SMG1: variants seen among roughly 807,000 people sequenced by gnomAD.
SMG1 encodes SMG1 nonsense mediated mRNA decay associated PI3K related kinase, also known as serine/threonine-protein kinase SMG1.
In SMG1, 22 loss-of-function variants were observed where a neutral mutation model predicts 419.9. The observed-to-expected ratio is 0.05, with a 90% CI of 0.04 to 0.07. The LOEUF is 0.07. Ranked by LOEUF, SMG1 falls within the 10% of genes least tolerant of loss-of-function variation. The probability of loss-of-function intolerance (pLI) is 1.00; values close to 1 mark genes in which losing one functional copy is unlikely to be tolerated. For synonymous variants in SMG1, 1,538 were observed against 1,553.5 expected, an observed-to-expected ratio of 0.99 and a Z score of 0.23; for missense variants, 3,185 against 4,342.0, an observed-to-expected ratio of 0.73 and a Z score of 7.49.
intron 54 of SMG1, 57 bp from the exon 55 acceptor site, chr16:18,828,225 T>G: frequency 6.4e-7 from 1 of 1,566,754 alleles, no homozygotes; most frequent in South Asian, 1.2e-5. Context: ...TTTAGATAAA[T>G]AAGGGAAGGG....
At chr16:18,871,021 T>C (rs572303513) in intron 16 of SMG1, 133 bp from the exon 17 acceptor site, 56 of 630,282 alleles carry the variant, frequency 8.9e-5, no homozygotes, top group South Asian at 4.1e-4. Flanking sequence ...ACTACTCTTG[T>C]CCAGAATTCT....
chr16:18,830,275 C>A lies in SMG1; in HGVS notation c.8887G>T (p.Ala2963Ser), dbSNP rs371226711. ...ACTTGAGCAAACATGCCATCGAATG[C>A]TACCAAAAGCATCTGGCCAGCTGAC... ...KMSAGQMLLV[A>S]FDGMFAQVET... is the part of the protein sequence containing the mutation. The change falls in exon 52 of 63, where the codon GCA (alanine) becomes TCA (serine). Residue 2963 changes from alanine to serine, a missense_variant. Around this residue, in one of 27 missense-constraint regions of SMG1, gnomAD observed 737 missense variants for 846.6 expected, o/e 0.87. Coordinates refer to ENST00000446231, the MANE Select transcript of SMG1 (RefSeq NM_015092.5). The A allele has an allele frequency of 2.5e-6, 4 of 1,613,868 alleles. No individual in the cohort carries two copies. Among genetic ancestry groups the A allele is most frequent in the Non-Finnish European group, 3.4e-6 (4 of 1,179,884 alleles).
At chr16:18,841,852 C>A in intron 40 of SMG1, 58 bp from the exon 41 acceptor site, 1 of 1,428,260 alleles carries the variant, frequency 7.0e-7, no homozygotes, top group Non-Finnish European at 9.9e-7. Context: ...TGGGAGCATA[C>A]CACTCCTCTT....
Position 18,829,752 on chromosome 16 carries a change from G to T in SMG1, c.9137C>A (p.Ser3046Ter). ...CGTFSKTLSG[S>*]SSLEDQNTVN... is the part of the protein sequence containing the mutation. ...AGTATTCTGATCTTCAAGTGAACTT[G>T]ATCCTACAAAAAGGAAAAATTTCTT... The change falls in exon 54 of 63, where the codon TCA becomes TAA. Residue 3046 changes from serine (S) to a stop codon, truncating the protein, a stop_gained. Coordinates refer to ENST00000446231, the MANE Select transcript of SMG1 (RefSeq NM_015092.5). LOFTEE classifies it high-confidence loss of function. 6.3e-7 allele frequency: 1 copy of T among 1,585,668 alleles called. No individual in the cohort carries two copies. Among genetic ancestry groups the T allele is most frequent in the South Asian group, 1.1e-5 (1 of 87,990 alleles).
chr16:18,831,774 C>CATATATAT (rs67247211), intron 51 of SMG1, among the ~76,000 whole-genome samples: 55 of 129,212 alleles, frequency 4.3e-4, no homozygotes, highest in African/African-American at 1.5e-3. Context: ...AAAAAAAATA[C>CATATATAT]ATATATATAT....
chr16:18,906,391 G>A (rs2037563410), intron 1 of SMG1, among the ~76,000 whole-genome samples: 1 of 152,074 alleles, frequency 6.6e-6, no homozygotes, highest in African/African-American at 2.4e-5. Flanking sequence ...ACTGACACAG[G>A]AGAATCGCTT....
At chr16:18,864,277 C>T in intron 23 of SMG1, 133 bp from the exon 24 acceptor site, 1 of 720,834 alleles carries the variant, frequency 1.4e-6, no homozygotes, top group South Asian at 2.2e-5. Flanking sequence ...CTCAATGCAA[C>T]CTCTGCCTCC....
intron 1 of SMG1, among the ~76,000 whole-genome samples, chr16:18,908,062 G>A (rs1156617801): frequency 6.6e-6 from 1 of 151,706 alleles, no homozygotes; most frequent in African/African-American, 2.4e-5. Flanking sequence ...ATCCCTCCCC[G>A]ACCAGTTAAA....
At position 18,914,691 on chromosome 16, in the gene SMG1, T is replaced by C. The variant is rs545372312; in HGVS notation, c.92+11259A>G. Among the ~76,000 whole-genome samples the C allele has an allele frequency of 2.6e-5, 4 of 152,198 alleles. No homozygotes were observed. In the South Asian group the frequency reaches 8.3e-4, roughly 32 times the overall value. On this transcript the variant is annotated intron_variant, in intron 1 of 62. Coordinates refer to ENST00000446231, the MANE Select transcript of SMG1 (RefSeq NM_015092.5). ...AAATAAAATAAAATAAAGAAATCTG[T>C]TGATTCTGGAATATTTGTGTTTCAT...
In SMG1 at chr16:18,828,842, T is replaced by C. The variant is rs1335996844; in HGVS notation, c.9603+444A>G. 2.0e-5 allele frequency among the ~76,000 whole-genome samples: 3 copies of C among 151,872 alleles called. No individual in the cohort carries two copies. The East Asian group carries it at 5.8e-4, about 29-fold the overall frequency. ...GGAGAAACCCCATCTCTACTAAAAA[T>C]ACAAAATTAGCCAGGCGTGGTGGCA... is the stretch of plus-strand genomic sequence containing the variant. On this transcript the variant is annotated intron_variant, in intron 54 of 62. Coordinates refer to ENST00000446231, the MANE Select transcript of SMG1 (RefSeq NM_015092.5).
intron 13 of SMG1, chr16:18,875,312 TGGG>T (rs1485856460): frequency 6.6e-6 from 1 of 152,588 alleles, no homozygotes; most frequent in Non-Finnish European, 1.5e-5. Context: ...AAAATCCGGC[TGGG>T]CATGGTGGTG....
At chr16:18,906,337 G>C (rs2037560725) in intron 1 of SMG1, among the ~76,000 whole-genome samples, 1 of 152,048 alleles carries the variant, frequency 6.6e-6, no homozygotes, top group African/African-American at 2.4e-5. Context: ...ACAAAAATTA[G>C]CTGGGTGTGG....
chr16:18,867,080 T>C (rs1287685961), intron 22 of SMG1, among the ~76,000 whole-genome samples: 1 of 152,192 alleles, frequency 6.6e-6, no homozygotes, highest in Non-Finnish European at 1.5e-5. Flanking sequence ...AAATTAAATA[T>C]AAATAAACAG....
intron 1 of SMG1, 53 bp downstream of exon 1, chr16:18,925,897 C>T (rs1206392280): frequency 3.6e-5 from 50 of 1,406,040 alleles, no homozygotes; most frequent in Admixed American, 1.3e-4. Flanking sequence ...GGCCTCGGCC[C>T]GCCCGAGGCG....
chr16:18,912,187 ATTT>A (rs11455324), intron 1 of SMG1, among the ~76,000 whole-genome samples: 1 of 143,486 alleles, frequency 7.0e-6, no homozygotes, highest in Non-Finnish European at 1.5e-5. Flanking sequence ...CAGCGGGTGG[ATTT>A]TTTTTTTTTT....
chr16:18,815,375 T>G (rs1448904539), intron 59 of SMG1, 65 bp downstream of exon 59: 1 of 1,575,496 alleles, frequency 6.3e-7, no homozygotes, highest in Non-Finnish European at 8.7e-7. Context: ...AATCAAGAGA[T>G]AAACTTCTTA....
At chr16:18,916,178 A>G (rs1282796057) in intron 1 of SMG1, among the ~76,000 whole-genome samples, 1 of 151,628 alleles carries the variant, frequency 6.6e-6, no homozygotes, top group Non-Finnish European at 1.5e-5. Context: ...AGAGAATTCA[A>G]TCTAAAAAGG....
chr16:18,895,907 G>T, intron 3 of SMG1, 145 bp downstream of exon 3: 1 of 796,534 alleles, frequency 1.3e-6, no homozygotes, highest in Non-Finnish European at 2.1e-6. Context: ...CTTTCTAGTG[G>T]GAAATGAATG....
chr16:18,917,549 T>C (rs1030731742), intron 1 of SMG1, among the ~76,000 whole-genome samples: 1 of 151,952 alleles, frequency 6.6e-6, no homozygotes, highest in Admixed American at 6.6e-5. Context: ...CGATTTCTCT[T>C]GCACATGCAT....
Sources: gnomAD v4.1 joint callset for allele counts (sites outside exome capture counted in the v4.1 genomes callset) on GRCh38, gnomAD v4.1.1 for gene constraint, gnomAD v4.1.1 regional missense constraint, MANE v1.5 for transcripts, NCBI Gene and HGNC (gene_info 2026-07-23, HGNC 2026-07-21) for gene names.